C1QTNF1: variants seen among roughly 807,000 people sequenced by gnomAD.
The protein encoded by C1QTNF1 is C1q and TNF related 1, also known as complement C1q tumor necrosis factor-related protein 1.
In C1QTNF1, 22 loss-of-function variants were observed where a neutral mutation model predicts 27.8. That is an observed-to-expected ratio of 0.79 (90% confidence interval 0.56 to 1.13). The LOEUF is 1.13. C1QTNF1 is among the 50% of genes most tolerant of loss of function. The pLI, the probability that C1QTNF1 is intolerant of heterozygous loss-of-function variation, is 0.00. For synonymous variants in C1QTNF1, 166 were observed against 154.3 expected, an observed-to-expected ratio of 1.08 and a Z score of -0.56; for missense variants, 373 against 380.2, an observed-to-expected ratio of 0.98 and a Z score of 0.16.
At chr17:79,043,572 ATG>A in intron 1 of C1QTNF1, 1 of 435,894 alleles carries the variant, frequency 2.3e-6, no homozygotes, top group Non-Finnish European at 4.6e-6. Flanking sequence ...TTGTGTGTAC[ATG>A]TGTGTGGATT....
chr17:79,047,395 C>T, intron 3 of C1QTNF1, 143 bp from the exon 4 acceptor site: 1 of 795,754 alleles, frequency 1.3e-6, no homozygotes, highest in Non-Finnish European at 1.9e-6. Flanking sequence ...TGGCAGGGGG[C>T]TGGGGGCAGG....
chr17:79,045,870 G>A (rs1229307410), intron 2 of C1QTNF1, among the ~76,000 whole-genome samples: 2 of 152,118 alleles, frequency 1.3e-5, no homozygotes, highest in Non-Finnish European at 1.5e-5. Flanking sequence ...CTGAACTTAG[G>A]GCACAGAGAT....
chr17:79,047,653 T>G lies in C1QTNF1; in HGVS notation c.411T>G (p.Pro137=), dbSNP rs780044285. Residue 137 remains proline (P), a synonymous_variant, in exon 4 of 4, where the codon CCT becomes CCG. Transcript: ENST00000579760. The part of the protein sequence containing the change: ...PKGQKGSMGA[P]GERCKSHYAA... ...GGCAGAAGGGCTCCATGGGGGCCCC[T>G]GGGGAGCGGTGCAAGAGCCACTACG... 1 of 1,609,812 alleles carries G rather than the reference T, an allele frequency of 6.2e-7. No individual in the cohort carries two copies. The highest frequency in any genetic ancestry group is 8.5e-7 in the Non-Finnish European group (1 of 1,177,194).
chr17:79,023,177 G>A (rs544989571), upstream of C1QTNF1: 4 of 152,340 alleles, frequency 2.6e-5, no homozygotes, highest in Admixed American at 2.0e-4. Context: ...CCTCACAGGA[G>A]GGATAACAAA....
At chr17:79,033,883 G>A (rs2072198152) in intron 1 of C1QTNF1, among the ~76,000 whole-genome samples, 1 of 152,150 alleles carries the variant, frequency 6.6e-6, no homozygotes, top group African/African-American at 2.4e-5. Flanking sequence ...CTTACAGTGC[G>A]CACGAAAGAG....
At chr17:79,026,959 A>T (rs1279823459) in intron 1 of C1QTNF1, among the ~76,000 whole-genome samples, 1 of 152,170 alleles carries the variant, frequency 6.6e-6, no homozygotes, top group Non-Finnish European at 1.5e-5. Context: ...TCATAAACCA[A>T]ATATTCTGGC....
Position 79,048,015 on chromosome 17 carries a change from C to T in C1QTNF1, c.773C>T (p.Ala258Val), listed in dbSNP as rs749756366. 2 of 1,607,792 alleles carry T rather than the reference C, an allele frequency of 1.2e-6. No individual in the cohort carries two copies. Among genetic ancestry groups the T allele is most frequent in the African/African-American group, 1.3e-5 (1 of 74,860 alleles). The stretch of plus-strand genomic sequence containing the variant: ...CTCTACAAGGGCGAACGTGAGAACG[C>T]CATCTTCAGCGAGGAGCTGGACACC... ...VRLYKGEREN[A>V]IFSEELDTYI... is the part of the protein sequence containing the mutation. Residue 258 changes from alanine to valine, a missense_variant, in exon 4 of 4, where the codon GCC becomes GTC. Ala to Val is a moderately conservative substitution (Grantham distance 64). Coordinates refer to ENST00000579760, the MANE Select transcript of C1QTNF1 (RefSeq NM_030968.5).
chr17:79,028,370 G>T (rs1165714065), intron 1 of C1QTNF1, among the ~76,000 whole-genome samples: 1 of 152,250 alleles, frequency 6.6e-6, no homozygotes, highest in African/African-American at 2.4e-5. Flanking sequence ...TGGGAAAGCT[G>T]CCAGCCCTGG....
chr17:79,024,735 G>A (rs1268398712), intron 1 of C1QTNF1: 1 of 152,346 alleles, frequency 6.6e-6, no homozygotes, highest in Non-Finnish European at 1.5e-5. Flanking sequence ...TAATGGTCCC[G>A]GGTCTCCCTG....
intron 1 of C1QTNF1, among the ~76,000 whole-genome samples, chr17:79,037,461 G>C (rs563964024): frequency 6.6e-6 from 1 of 151,852 alleles, no homozygotes; most frequent in Non-Finnish European, 1.5e-5. Flanking sequence ...ACAGGGATTT[G>C]CCATGTTGGC....
chr17:79,043,753 G>GTGAGTGCACGTGAGTGCA, intron 1 of C1QTNF1: 1 of 681,112 alleles, frequency 1.5e-6, no homozygotes, highest in Admixed American at 2.0e-5. Context: ...ACGTGAGTGC[G>GTGAGTGCACGTGAGTGCA]TCGTGAGTGC....
intron 1 of C1QTNF1, chr17:79,043,298 TATGTGTGCATGTGAGTTGTGC>T (rs2072469135): frequency 2.2e-6 from 1 of 452,858 alleles, no homozygotes; most frequent in Non-Finnish European, 4.4e-6. Context: ...GTGATTTGGG[TATGTGTGCATGTGAGTTGTGC>T]ATGTGTGTTG....
intron 1 of C1QTNF1, among the ~76,000 whole-genome samples, chr17:79,032,060 T>TA (rs2072151714): frequency 6.6e-6 from 1 of 152,190 alleles, no homozygotes; most frequent in South Asian, 2.1e-4. Flanking sequence ...TGTTGAGAGT[T>TA]AGACACCGGA....
At chr17:79,039,993 A>G (rs980245315) in intron 1 of C1QTNF1, among the ~76,000 whole-genome samples, 7 of 152,194 alleles carry the variant, frequency 4.6e-5, no homozygotes, top group Non-Finnish European at 8.8e-5. Context: ...CAGAGGAAAT[A>G]CAGAAATGGA....
At chr17:79,035,081 G>T (rs1382321652) in intron 1 of C1QTNF1, among the ~76,000 whole-genome samples, 3 of 152,196 alleles carry the variant, frequency 2.0e-5, no homozygotes, top group African/African-American at 4.8e-5. Context: ...CACCGGAGGA[G>T]TTTGGTCATT....
At position 79,046,899 on chromosome 17, in the gene C1QTNF1, T is replaced by G; in HGVS notation, c.295+205T>G. ...TCTGGCCCCTCTCCAAGAGGAGGGGTTGGAAAGGGGCCCACAGGACCAAGA... is the reference window on the plus strand; with the variant it reads ...TCTGGCCCCTCTCCAAGAGGAGGGGGTGGAAAGGGGCCCACAGGACCAAGA... On this transcript the variant is annotated intron_variant, in intron 3 of 3. Coordinates refer to ENST00000579760, the MANE Select transcript of C1QTNF1 (RefSeq NM_030968.5). This position sits in a 1 kb window ranked among gnomAD's most constrained non-coding sequence, Gnocchi z 4.8. The G allele has an allele frequency of 1.5e-6, 1 of 668,834 alleles. No individual in the cohort carries two copies. The highest frequency in any genetic ancestry group is 2.4e-6 in the Non-Finnish European group (1 of 411,492). 41.4% of individuals were successfully genotyped at this position (668,834 alleles called of 1,614,324 possible). A position where few individuals can be genotyped will look rare whatever the true frequency, so the allele number is the denominator to read the frequency against.
chr17:79,046,747 C>G lies in C1QTNF1; in HGVS notation c.295+53C>G. 6.2e-7 allele frequency: 1 copy of G among 1,606,690 alleles called. No individual in the cohort carries two copies. The highest frequency in any genetic ancestry group is 8.5e-7 in the Non-Finnish European group (1 of 1,175,060). On this transcript the variant is annotated intron_variant, in intron 3 of 3. Coordinates refer to ENST00000579760, the MANE Select transcript of C1QTNF1 (RefSeq NM_030968.5). This position sits in a 1 kb window ranked among gnomAD's most constrained non-coding sequence, Gnocchi z 4.8. ...GGTGGCCGGGCTGCTCTGTGCTGATCCGGAGGAAGGGATGGAGTCGTTAGG... is the reference window on the plus strand; with the variant it reads ...GGTGGCCGGGCTGCTCTGTGCTGATGCGGAGGAAGGGATGGAGTCGTTAGG...
At chr17:79,036,236 G>A (rs2072261871) in intron 1 of C1QTNF1, among the ~76,000 whole-genome samples, 1 of 152,224 alleles carries the variant, frequency 6.6e-6, no homozygotes, top group Admixed American at 6.5e-5. Flanking sequence ...GCGCAGTGGT[G>A]CAGTCGTGGC....
At chr17:79,036,686 G>A (rs1403327411) in intron 1 of C1QTNF1, among the ~76,000 whole-genome samples, 1 of 152,228 alleles carries the variant, frequency 6.6e-6, no homozygotes, top group African/African-American at 2.4e-5. Context: ...GTACGTGTCT[G>A]TTTCCTTCAC....
Sources: gnomAD v4.1 joint callset for allele counts (sites outside exome capture counted in the v4.1 genomes callset) on GRCh38, gnomAD v4.1.1 for gene constraint, Gnocchi (gnomAD v3.1) non-coding constraint, MANE v1.5 for transcripts, NCBI Gene and HGNC (gene_info 2026-07-23, HGNC 2026-07-21) for gene names.